The following COLEC12 variants were observed in gnomAD, a reference collection of about 807,000 sequenced individuals.
COLEC12 encodes collectin-12.
A neutral mutation model predicts 71.1 loss-of-function variants in COLEC12; 33 were observed. The ratio of observed to expected loss-of-function variants is 0.46; its 90% CI spans 0.35 to 0.62. The LOEUF (loss-of-function observed/expected upper bound fraction) is 0.62. Ranked by LOEUF, COLEC12 falls within the 20% of genes least tolerant of loss-of-function variation. COLEC12 has a pLI of 0.00. For missense variants in COLEC12, 765 were observed against 916.1 expected, an observed-to-expected ratio of 0.84 and a Z score of 2.13; for synonymous variants, 350 against 353.0, an observed-to-expected ratio of 0.99 and a Z score of 0.10.
chr18:403,384 C>T (rs926580389), intron 2 of COLEC12, among the ~76,000 whole-genome samples: 2 of 152,188 alleles, frequency 1.3e-5, no homozygotes, highest in African/African-American at 4.8e-5. Flanking sequence ...AACAGTAGGT[C>T]ATTAGGAAAG....
chr18:414,494 A>T (rs1463121256), intron 2 of COLEC12, among the ~76,000 whole-genome samples: 1 of 152,174 alleles, frequency 6.6e-6, no homozygotes, highest in Admixed American at 6.5e-5. Context: ...GCTACTTGGG[A>T]GGCTGAGGCA....
intron 2 of COLEC12, among the ~76,000 whole-genome samples, chr18:378,543 T>G (rs1026917002): frequency 2.0e-5 from 3 of 152,148 alleles, no homozygotes; most frequent in African/African-American, 4.8e-5. Flanking sequence ...GGAGAAAGAA[T>G]GAAGCAAACA....
At chr18:360,647 G>C (rs1391932066) in intron 2 of COLEC12, among the ~76,000 whole-genome samples, 1 of 152,190 alleles carries the variant, frequency 6.6e-6, no homozygotes, top group Non-Finnish European at 1.5e-5. Flanking sequence ...CAGTGGGTCT[G>C]AGGGAGGAGC....
At chr18:481,099 T>C (rs1917407141) in intron 1 of COLEC12, among the ~76,000 whole-genome samples, 1 of 152,208 alleles carries the variant, frequency 6.6e-6, no homozygotes, top group African/African-American at 2.4e-5. Flanking sequence ...TGTGCGTGAA[T>C]TTACTGTTGT....
rs1338829542 is a variant in COLEC12, at chr18:327,923, C to G, written c.2063+3745G>C. Among the ~76,000 whole-genome samples, 2 of 152,134 alleles carry G rather than the reference C, an allele frequency of 1.3e-5. No individual in the cohort carries two copies. The highest frequency in any genetic ancestry group is 2.9e-5 in the Non-Finnish European group (2 of 68,032). On this transcript the variant is annotated intron_variant, in intron 8 of 9. Coordinates refer to ENST00000400256, the MANE Select transcript of COLEC12 (RefSeq NM_130386.3). This position sits in a 1 kb window ranked among gnomAD's most constrained non-coding sequence, Gnocchi z 4.0. ...GGCTGTGAAGCCATCTGGTCCTGGGCTTATCTTTCTGGGAGGTTTCTGATT... is the reference window on the plus strand; with the variant it reads ...GGCTGTGAAGCCATCTGGTCCTGGGGTTATCTTTCTGGGAGGTTTCTGATT...
intron 2 of COLEC12, among the ~76,000 whole-genome samples, chr18:398,323 C>T (rs552444275): frequency 1.3e-5 from 2 of 152,162 alleles, no homozygotes; most frequent in Non-Finnish European, 2.9e-5. Flanking sequence ...GTCACAATTT[C>T]TAGTTTCAGA....
chr18:409,625 T>C (rs374772499), intron 2 of COLEC12, among the ~76,000 whole-genome samples: 9 of 152,372 alleles, frequency 5.9e-5, no homozygotes, highest in African/African-American at 2.2e-4. Flanking sequence ...TATTTATTCA[T>C]CATTGAAAAT....
At chr18:350,313 A>G (rs1224599850) in intron 3 of COLEC12, among the ~76,000 whole-genome samples, 1 of 152,078 alleles carries the variant, frequency 6.6e-6, no homozygotes, top group Non-Finnish European at 1.5e-5. Flanking sequence ...CCGTGTAAGA[A>G]GTGCCTTTTG....
At chr18:492,925 C>T (rs1427414564) in intron 1 of COLEC12, among the ~76,000 whole-genome samples, 1 of 152,190 alleles carries the variant, frequency 6.6e-6, no homozygotes, top group Non-Finnish European at 1.5e-5. Context: ...GATTTCAGGT[C>T]AGGCACGGTG....
chr18:376,240 C>T (rs1049143565), intron 2 of COLEC12, among the ~76,000 whole-genome samples: 9 of 152,186 alleles, frequency 5.9e-5, no homozygotes, highest in African/African-American at 1.9e-4. Flanking sequence ...GGACCGTTTC[C>T]TTACAGACCT....
At chr18:497,116 T>C (rs1917725905) in intron 1 of COLEC12, among the ~76,000 whole-genome samples, 1 of 152,210 alleles carries the variant, frequency 6.6e-6, no homozygotes. Flanking sequence ...GATGTCATTA[T>C]TTTGGTACTT....
chr18:471,787 C>T (rs1917203718), intron 2 of COLEC12, among the ~76,000 whole-genome samples: 1 of 151,746 alleles, frequency 6.6e-6, no homozygotes, highest in South Asian at 2.1e-4. Flanking sequence ...TGCTTAATTC[C>T]TCACCAACCA....
At chr18:397,584 G>A (rs1165372197) in intron 2 of COLEC12, among the ~76,000 whole-genome samples, 1 of 152,134 alleles carries the variant, frequency 6.6e-6, no homozygotes, top group Non-Finnish European at 1.5e-5. Flanking sequence ...AAGAGCTTTT[G>A]GGAAGGGGAG....
At position 421,571 on chromosome 18, in the gene COLEC12, G is replaced by A. The variant is rs138393811; in HGVS notation, c.58+59136C>T. 6.6e-5 allele frequency among the ~76,000 whole-genome samples: 10 copies of A among 152,168 alleles called. No homozygotes were observed. The East Asian group carries it at 1.2e-3, about 18-fold the overall frequency. ...AAAAGAATTACATGTCTGCCTTTTT[G>A]TGCCTTTAATTTAGAAAGTCAGTGG... On this transcript the variant is annotated intron_variant, in intron 2 of 9. Coordinates refer to ENST00000400256, the MANE Select transcript of COLEC12 (RefSeq NM_130386.3).
At chr18:367,594 T>C (rs1183227607) in intron 2 of COLEC12, among the ~76,000 whole-genome samples, 1 of 152,218 alleles carries the variant, frequency 6.6e-6, no homozygotes, top group African/African-American at 2.4e-5. Flanking sequence ...CTGTTCCACA[T>C]TGAATGTGGC....
intron 1 of COLEC12, among the ~76,000 whole-genome samples, chr18:490,342 T>C (rs960417474): frequency 2.6e-5 from 4 of 152,216 alleles, no homozygotes; most frequent in African/African-American, 9.7e-5. Flanking sequence ...AAAAACCAGC[T>C]GCTGTTCTAA....
At chr18:429,463 C>A (rs1916260321) in intron 2 of COLEC12, among the ~76,000 whole-genome samples, 1 of 151,644 alleles carries the variant, frequency 6.6e-6, no homozygotes, top group South Asian at 2.1e-4. Context: ...CTCATTGCAA[C>A]CTCTGCTTCT....
rs183367223 is a variant in COLEC12, at chr18:440,612, C to T, written c.58+40095G>A. ...CCTCAGTATCTGTGCAGGACGGATT[C>T]CAGGATGCCCTGGGATGCCAAAGTC... On this transcript the variant is annotated intron_variant, in intron 2 of 9. Coordinates refer to ENST00000400256, the MANE Select transcript of COLEC12 (RefSeq NM_130386.3). Among the ~76,000 whole-genome samples the T allele has an allele frequency of 8.1e-3, 1,230 of 152,274 alleles. 10 individuals carry two copies. The highest frequency in any genetic ancestry group is 0.012 in the Non-Finnish European group (796 of 68,014).
intron 2 of COLEC12, among the ~76,000 whole-genome samples, chr18:468,108 A>G (rs2143747691): frequency 6.6e-6 from 1 of 152,176 alleles, no homozygotes; most frequent in South Asian, 2.1e-4. Flanking sequence ...CTAAAAATAC[A>G]AAAATTATCT....
Sources: gnomAD v4.1 joint callset for allele counts (sites outside exome capture counted in the v4.1 genomes callset) on GRCh38, gnomAD v4.1.1 for gene constraint, Gnocchi (gnomAD v3.1) non-coding constraint, MANE v1.5 for transcripts, NCBI Gene and HGNC (gene_info 2026-07-23, HGNC 2026-07-21) for gene names.